Variants in GLMN observed in about 807,000 individuals in gnomAD.
The protein encoded by GLMN is glomulin.
Under a neutral mutation model 87.8 loss-of-function variants are expected in GLMN, and 75 were observed. The ratio of observed to expected loss-of-function variants is 0.85; its 90% CI spans 0.71 to 1.04. The LOEUF is 1.04. GLMN is among the 50% of genes least tolerant of loss of function. The pLI is 0.00. For missense variants in GLMN, 588 were observed against 658.8 expected, an observed-to-expected ratio of 0.89 and a Z score of 1.18; for synonymous variants, 206 against 221.6, an observed-to-expected ratio of 0.93 and a Z score of 0.63.
chr1:92,304,147 T>C, the GLMN span: 2 of 1,307,012 alleles, frequency 1.5e-6, no homozygotes, highest in Non-Finnish European at 2.2e-6. Flanking sequence ...GTTGTAAGAA[T>C]AAGAAATAAA....
the GLMN span, among the ~76,000 whole-genome samples, chr1:92,346,549 A>G: frequency 6.6e-6 from 1 of 152,208 alleles, no homozygotes; most frequent in Non-Finnish European, 1.5e-5. Flanking sequence ...AGTCTATTAT[A>G]TTAACATTGA....
the GLMN span, chr1:92,324,350 C>T: frequency 6.2e-7 from 1 of 1,613,308 alleles, no homozygotes; most frequent in Non-Finnish European, 8.5e-7. Context: ...GGTGAAGAAA[C>T]CACCAAATCA....
the GLMN span, among the ~76,000 whole-genome samples, chr1:92,328,183 G>A: frequency 6.6e-6 from 1 of 152,150 alleles, no homozygotes; most frequent in African/African-American, 2.4e-5. Context: ...TGAGCTTCTT[G>A]TATTTGGATG....
chr1:92,362,852 A>G, the GLMN span, among the ~76,000 whole-genome samples: 1 of 152,192 alleles, frequency 6.6e-6, no homozygotes, highest in Non-Finnish European at 1.5e-5. Context: ...AAAAATTGCC[A>G]GGTTATAACT....
At chr1:92,270,235 C>T (rs549773574) in intron 8 of GLMN, among the ~76,000 whole-genome samples, 4 of 152,314 alleles carry the variant, frequency 2.6e-5, no homozygotes, top group African/African-American at 9.6e-5. Flanking sequence ...CAGTTGGTAG[C>T]ACTTTTTTAC....
intron 8 of GLMN, among the ~76,000 whole-genome samples, chr1:92,270,946 G>C (rs1293713442): frequency 6.6e-6 from 1 of 152,078 alleles, no homozygotes; most frequent in Non-Finnish European, 1.5e-5. Context: ...AATTAAGCAG[G>C]GACCAGACCA....
chr1:92,312,139 A>T, the GLMN span, among the ~76,000 whole-genome samples: 47 of 152,340 alleles, frequency 3.1e-4, no homozygotes, highest in African/African-American at 1.1e-3. Context: ...GGCCAGGAGC[A>T]GTGACTTATG....
the GLMN span, among the ~76,000 whole-genome samples, chr1:92,369,708 TAAAC>T: frequency 5.9e-3 from 901 of 152,142 alleles, 7 homozygotes; most frequent in African/African-American, 0.019. Context: ...ATGAAAAAAT[TAAAC>T]AGGTAAGTAA....
chr1:92,281,424 A>G (rs542821561), intron 7 of GLMN, among the ~76,000 whole-genome samples: 24 of 151,840 alleles, frequency 1.6e-4, no homozygotes, highest in African/African-American at 5.8e-4. Flanking sequence ...ATGGTGAGAG[A>G]TTTTTGTCAC....
intron 7 of GLMN, among the ~76,000 whole-genome samples, chr1:92,284,352 C>A (rs7527960): frequency 2.0e-5 from 3 of 151,956 alleles, no homozygotes; most frequent in Non-Finnish European, 4.4e-5. Context: ...ACAAACCTGA[C>A]AAAAACAAGC....
chr1:92,323,673 A>T, the GLMN span: 1 of 1,613,704 alleles, frequency 6.2e-7, no homozygotes, highest in Non-Finnish European at 8.5e-7. Context: ...TGAAAAAGAA[A>T]GCTGGTCACA....
At position 92,297,265 on chromosome 1, in the gene GLMN, T is replaced by C. The variant is rs1650198993; in HGVS notation, c.165+139A>G. On this transcript the variant is annotated intron_variant, in intron 3 of 18. Transcript: ENST00000370360. ...CTGCGCCTGGCCTAAATATTTCTAA[T>C]TCTTTTTTTGTTTTCAGTTCCCTAC... 1.4e-5 allele frequency: 17 copies of C among 1,212,404 alleles called. No homozygotes were observed. The South Asian group carries it at 2.0e-4, about 14-fold the overall frequency. 75.1% of individuals were successfully genotyped at this position (1,212,404 alleles called of 1,614,324 possible). A position where few individuals can be genotyped will look rare whatever the true frequency, so the allele number is the denominator to read the frequency against.
chr1:92,307,225 T>G, the GLMN span: 3 of 1,612,334 alleles, frequency 1.9e-6, no homozygotes, highest in Non-Finnish European at 2.5e-6. Context: ...GCATCTAAGT[T>G]TTTTGAAGCA....
In GLMN at chr1:92,253,726, G is replaced by A. The variant is rs911574458; in HGVS notation, c.1474-5737C>T. On this transcript the variant is annotated intron_variant, in intron 16 of 18. Transcript: ENST00000370360. The stretch of plus-strand genomic sequence containing the variant: ...ACAAACACAAAGCAATAGCATTAAC[G>A]TCAACAAAAAGGATGACCCAAGCAA... 1.7e-4 allele frequency among the ~76,000 whole-genome samples: 26 copies of A among 152,260 alleles called. 1 individual carries two copies. The highest frequency in any genetic ancestry group is 1.5e-3 in the Admixed American group (23 of 15,294).
At chr1:92,322,526 A>G in the GLMN span, among the ~76,000 whole-genome samples, 1 of 151,910 alleles carries the variant, frequency 6.6e-6, no homozygotes, top group Non-Finnish European at 1.5e-5. Flanking sequence ...CCTGGGTGAC[A>G]GAGCAAGACT....
At chr1:92,337,202 A>G in the GLMN span, among the ~76,000 whole-genome samples, 15,417 of 152,044 alleles carry the variant, frequency 0.1, 2,341 homozygotes, top group African/African-American at 0.34. Context: ...TTTATCATAT[A>G]TATTTATTAT....
intron 7 of GLMN, among the ~76,000 whole-genome samples, chr1:92,280,235 C>T (rs556191263): frequency 2.0e-5 from 3 of 152,166 alleles, no homozygotes; most frequent in Admixed American, 6.5e-5. Context: ...CTCAAACAGG[C>T]GGGTGCCCCT....
At chr1:92,324,701 C>T in the GLMN span, among the ~76,000 whole-genome samples, 19 of 152,016 alleles carry the variant, frequency 1.2e-4, no homozygotes, top group South Asian at 2.1e-4. Context: ...TTTTCTTCTT[C>T]GGTATTCTTT....
At chr1:92,301,488 A>G, upstream of GLMN, 2 of 1,578,136 alleles carry the variant, frequency 1.3e-6, no homozygotes, top group Non-Finnish European at 1.7e-6. Context: ...AAGCTGAACT[A>G]GAAGCAGCTG....
Sources: allele counts gnomAD v4.1 joint callset (sites outside exome capture counted in the v4.1 genomes callset), GRCh38; gene constraint gnomAD v4.1.1; transcripts MANE v1.5; gene names NCBI Gene and HGNC (gene_info 2026-07-23, HGNC 2026-07-21).